The following ASCC3 variants were observed in gnomAD, a reference collection of about 807,000 sequenced individuals.
ASCC3 encodes the protein ASC-1 complex subunit P200.
A neutral mutation model predicts 256.3 loss-of-function variants in ASCC3; 158 were observed. That is an observed-to-expected ratio of 0.62 (90% confidence interval 0.54 to 0.70). ASCC3 has a LOEUF of 0.70. Ranked by LOEUF, ASCC3 falls within the 30% of genes least tolerant of loss-of-function variation. The pLI is 0.00. For synonymous variants in ASCC3, 948 were observed against 883.4 expected, an observed-to-expected ratio of 1.07 and a Z score of -1.30; for missense variants, 2,259 against 2,626.0, an observed-to-expected ratio of 0.86 and a Z score of 3.05.
rs1773617770 is a variant in ASCC3, at chr6:100,508,772, T to C, written c.*614A>G. 1 of 152,436 alleles carries C rather than the reference T, an allele frequency of 6.6e-6. No homozygotes were observed. 9.4% of individuals were successfully genotyped at this position (152,436 alleles called of 1,614,324 possible). ...CTATATTTTATTTCCCAGTTAACCA[T>C]GTCTACATTTTCTAAGATCAGTATA... is the stretch of plus-strand genomic sequence containing the variant. On this transcript the variant is annotated 3_prime_UTR_variant, in exon 42 of 42. Transcript: ENST00000369162.
At chr6:100,866,445 T>C (rs542819804) in intron 2 of ASCC3, among the ~76,000 whole-genome samples, 56 of 152,340 alleles carry the variant, frequency 3.7e-4, no homozygotes, top group African/African-American at 1.3e-3. Flanking sequence ...TTCATCACAG[T>C]AGTGAAATCA....
intron 8 of ASCC3, among the ~76,000 whole-genome samples, chr6:100,787,958 G>C (rs985668373): frequency 6.6e-6 from 1 of 150,908 alleles, no homozygotes; most frequent in Non-Finnish European, 1.5e-5. Flanking sequence ...AAGCATAATC[G>C]AGTTTTTTTT....
chr6:100,715,237 A>T, intron 13 of ASCC3: 1 of 410,610 alleles, frequency 2.4e-6, no homozygotes. Flanking sequence ...TAAAAATGGC[A>T]AACAAAATAG....
At chr6:100,627,218 T>G (rs1333564958) in intron 29 of ASCC3, among the ~76,000 whole-genome samples, 1 of 152,164 alleles carries the variant, frequency 6.6e-6, no homozygotes, top group Non-Finnish European at 1.5e-5. Flanking sequence ...ACTAAAGTAC[T>G]GAAATTTCTA....
chr6:100,877,519 A>T (rs1016352300), intron 1 of ASCC3, among the ~76,000 whole-genome samples: 1 of 152,200 alleles, frequency 6.6e-6, no homozygotes, highest in South Asian at 2.1e-4. Context: ...GTCGACACAT[A>T]TTTATAATCC....
In ASCC3 at chr6:100,508,457, T is replaced by C. The variant is rs1433616917; in HGVS notation, c.*929A>G. On this transcript the variant is annotated 3_prime_UTR_variant, in exon 42 of 42. Transcript: ENST00000369162. ...TTTCAAGAAGGAATTTGTTTGGACA[T>C]AGAGAAATTTTCTTTATTACAGGTG... The C allele has an allele frequency of 2.0e-5, 3 of 152,178 alleles. No individual in the cohort carries two copies. The highest frequency in any genetic ancestry group is 4.4e-5 in the Non-Finnish European group (3 of 67,998). 9.4% of individuals were successfully genotyped at this position (152,178 alleles called of 1,614,324 possible).
At chr6:100,772,576 A>T (rs1243990269) in intron 8 of ASCC3, among the ~76,000 whole-genome samples, 1 of 152,230 alleles carries the variant, frequency 6.6e-6, no homozygotes, top group African/African-American at 2.4e-5. Flanking sequence ...TGGACAAAAG[A>T]TATACTCAGA....
At chr6:100,562,876 C>T (rs1001808451) in intron 36 of ASCC3, among the ~76,000 whole-genome samples, 9 of 151,952 alleles carry the variant, frequency 5.9e-5, no homozygotes, top group East Asian at 3.9e-4. Flanking sequence ...TTAGGGAATG[C>T]CCAACTTACA....
chr6:100,862,910 A>G (rs1430639997), intron 3 of ASCC3, among the ~76,000 whole-genome samples: 1 of 152,228 alleles, frequency 6.6e-6, no homozygotes, highest in Non-Finnish European at 1.5e-5. Flanking sequence ...CATTAAGATT[A>G]GAACAGAGCA....
intron 40 of ASCC3, among the ~76,000 whole-genome samples, chr6:100,512,419 G>T (rs1345111102): frequency 2.0e-5 from 3 of 152,182 alleles, no homozygotes; most frequent in African/African-American, 7.2e-5. Flanking sequence ...CAAGGAATCT[G>T]CACTTTAAAA....
At chr6:100,817,034 C>T (rs1431283417) in intron 4 of ASCC3, among the ~76,000 whole-genome samples, 1 of 151,922 alleles carries the variant, frequency 6.6e-6, no homozygotes, top group Admixed American at 6.6e-5. Flanking sequence ...GCAGAACATA[C>T]ATTCTTCTCT....
At chr6:100,670,699 G>C (rs1199265509) in intron 14 of ASCC3, among the ~76,000 whole-genome samples, 1 of 151,582 alleles carries the variant, frequency 6.6e-6, no homozygotes, top group African/African-American at 2.4e-5. Flanking sequence ...TGGACATGGA[G>C]GGCCATCTGT....
chr6:100,676,241 A>G (rs1231971453), intron 14 of ASCC3, among the ~76,000 whole-genome samples: 1 of 152,144 alleles, frequency 6.6e-6, no homozygotes, highest in Admixed American at 6.6e-5. Context: ...GTGAAGTTTT[A>G]TCATTGTTCA....
chr6:100,655,608 A>G, intron 17 of ASCC3, 91 bp downstream of exon 17: 1 of 1,436,238 alleles, frequency 7.0e-7, no homozygotes, highest in South Asian at 1.2e-5. Flanking sequence ...TTTTCAGATG[A>G]GGCAAGAGCA....
At chr6:100,771,883 T>G (rs868082145) in intron 8 of ASCC3, among the ~76,000 whole-genome samples, 40 of 140,358 alleles carry the variant, frequency 2.8e-4, no homozygotes, top group Admixed American at 1.3e-3. Context: ...TTTTTTTTTT[T>G]TTTTTTTTTT....
At chr6:100,594,580 G>A (rs1252652292) in intron 34 of ASCC3, among the ~76,000 whole-genome samples, 1 of 152,104 alleles carries the variant, frequency 6.6e-6, no homozygotes, top group East Asian at 1.9e-4. Flanking sequence ...CATGGTTGCT[G>A]AGAATGTACA....
At chr6:100,537,081 A>G (rs1047597701) in intron 37 of ASCC3, among the ~76,000 whole-genome samples, 2 of 152,356 alleles carry the variant, frequency 1.3e-5, no homozygotes, top group East Asian at 3.9e-4. Flanking sequence ...AAGAAACAGA[A>G]TATTTATATA....
intron 36 of ASCC3, among the ~76,000 whole-genome samples, chr6:100,580,647 A>G (rs959397194): frequency 4.6e-5 from 7 of 151,824 alleles, no homozygotes; most frequent in African/African-American, 1.7e-4. Flanking sequence ...TTAGTTACAT[A>G]TGTATACATG....
chr6:100,612,808 C>T (rs1216541158), intron 30 of ASCC3, among the ~76,000 whole-genome samples: 1 of 151,816 alleles, frequency 6.6e-6, no homozygotes, highest in Admixed American at 6.6e-5. Context: ...ATCAATACTC[C>T]CAAAATTTAT....
Sources: gnomAD v4.1 joint callset for allele counts (sites outside exome capture counted in the v4.1 genomes callset) on GRCh38, gnomAD v4.1.1 for gene constraint, MANE v1.5 for transcripts, NCBI Gene and HGNC (gene_info 2026-07-23, HGNC 2026-07-21) for gene names.